Variants in PLAC1 observed in about 807,000 individuals in gnomAD.
PLAC1 encodes placenta-specific protein 1.
For missense variants in PLAC1, 136 were observed against 163.2 expected, an observed-to-expected ratio of 0.83 and a Z score of 0.91; for synonymous variants, 68 against 62.1, an observed-to-expected ratio of 1.09 and a Z score of -0.44.
intron 2 of PLAC1, among the ~76,000 whole-genome samples, chrX:134,712,604 C>A (rs1441741994): frequency 9.0e-6 from 1 of 111,414 alleles, no homozygotes; most frequent in Middle Eastern, 4.2e-3. Context: ...ATACTGGAAC[C>A]TGATAAACAA....
intron 2 of PLAC1, among the ~76,000 whole-genome samples, chrX:134,575,482 G>A (rs1291576252): frequency 9.1e-6 from 1 of 110,023 alleles, no homozygotes; most frequent in Non-Finnish European, 1.9e-5. Flanking sequence ...CAAGAACAGG[G>A]TGTTGAGCCG....
chrX:134,726,548 G>A (rs1455701690), intron 2 of PLAC1, among the ~76,000 whole-genome samples: 1 of 111,740 alleles, frequency 8.9e-6, no homozygotes, highest in Non-Finnish European at 1.9e-5. Context: ...TTCCTGGCCG[G>A]GCGCTGTGGC....
At chrX:134,737,792 A>G (rs989372787) in intron 1 of PLAC1, among the ~76,000 whole-genome samples, 2 of 112,846 alleles carry the variant, frequency 1.8e-5, no homozygotes, top group African/African-American at 3.2e-5. Context: ...CGCCGAAAGG[A>G]AAGTCCACTC....
intron 1 of PLAC1, among the ~76,000 whole-genome samples, chrX:134,758,754 A>G (rs190598348): frequency 8.9e-6 from 1 of 112,405 alleles, no homozygotes; most frequent in African/African-American, 3.2e-5. Flanking sequence ...AGACCTCAAA[A>G]GCACAGGCAA....
intron 1 of PLAC1, among the ~76,000 whole-genome samples, chrX:134,616,163 G>C (rs997147908): frequency 9.1e-6 from 1 of 110,433 alleles, no homozygotes; most frequent in Non-Finnish European, 1.9e-5. Context: ...AAATTATTTT[G>C]TAGAGACAGG....
chrX:134,706,690 CAA>C (rs2078605727), intron 2 of PLAC1, among the ~76,000 whole-genome samples: 3 of 110,689 alleles, frequency 2.7e-5, no homozygotes, highest in Middle Eastern at 4.6e-3. Flanking sequence ...GCACTTGAAA[CAA>C]AGGGCAAAAA....
chrX:134,716,090 G>A (rs1031973102), intron 2 of PLAC1, among the ~76,000 whole-genome samples: 6 of 112,424 alleles, frequency 5.3e-5, no homozygotes, highest in Admixed American at 4.7e-4. Flanking sequence ...TCACAGCACA[G>A]CTCCAGCCTA....
At chrX:134,571,157 A>C (rs2124348315) in intron 2 of PLAC1, among the ~76,000 whole-genome samples, 1 of 112,218 alleles carries the variant, frequency 8.9e-6, no homozygotes, top group Non-Finnish European at 1.9e-5. Context: ...GGAAAGAGGA[A>C]GAAGAGCTGC....
upstream of PLAC1, among the ~76,000 whole-genome samples, chrX:134,663,447 TGCGCGCACGCGC>T (rs2078424118): frequency 1.8e-5 from 2 of 112,755 alleles, no homozygotes; most frequent in South Asian, 3.6e-4. Context: ...TGTGTGTGTG[TGCGCGCACGCGC>T]GTGCACGTGT....
rs189739631 is a variant in PLAC1, at chrX:134,697,427, C to A, written n.174+36008G>T. On this transcript the variant is annotated intron_variant and non_coding_transcript_variant, in intron 2 of 2. Coordinates refer to the PLAC1 transcript ENST00000466797. The stretch of plus-strand genomic sequence containing the variant: ...CTTTTATCACAGGACCTAGAGATAA[C>A]CACTCTTAATATTTTGGTTAAAGTT... Among the ~76,000 whole-genome samples the A allele has an allele frequency of 8.0e-5, 9 of 112,146 alleles. No homozygotes were observed. The East Asian group carries it at 8.3e-4, about 10-fold the overall frequency.
In PLAC1 at chrX:134,566,411, A is replaced by G. The variant is rs1242885483; in HGVS notation, c.272T>C (p.Met91Thr). Residue 91 changes from methionine (M) to threonine (T), a missense_variant, in exon 3 of 3, where the codon ATG becomes ACG. Physicochemically the swap from Met to Thr is moderately conservative, Grantham distance 81. Transcript: ENST00000359237. Reference sequence around the variant, plus strand: ...GTGTATCTCAGTGCTGTAGATAACCATGTCCTGAGAGACAGCTTTGGCCCT... The same window carrying G: ...GTGTATCTCAGTGCTGTAGATAACCGTGTCCTGAGAGACAGCTTTGGCCCT... ...GIRAKAVSQDMVIYSTEIHYS... is the reference protein window; with the variant it reads ...GIRAKAVSQDTVIYSTEIHYS... 5.0e-6 allele frequency: 6 copies of G among 1,211,690 alleles called. No individual in the cohort carries two copies. The Admixed American group carries it at 1.3e-4, about 26-fold the overall frequency.
chrX:134,569,779 TG>T (rs1167196303), intron 2 of PLAC1, among the ~76,000 whole-genome samples: 6 of 103,045 alleles, frequency 5.8e-5, no homozygotes, highest in African/African-American at 2.3e-4. Context: ...TGTGTGTGTG[TG>T]TGTGTGTTTG....
chrX:134,639,805 G>A (rs1396623134), intron 1 of PLAC1, among the ~76,000 whole-genome samples: 1 of 111,719 alleles, frequency 9.0e-6, no homozygotes, highest in East Asian at 2.8e-4. Flanking sequence ...GATATTTCAT[G>A]TAAATAAAAT....
intron 2 of PLAC1, among the ~76,000 whole-genome samples, chrX:134,702,043 A>G (rs2078585318): frequency 9.0e-6 from 1 of 111,687 alleles, no homozygotes; most frequent in Non-Finnish European, 1.9e-5. Flanking sequence ...ACAATGAAAT[A>G]CCATCTCACA....
intron 2 of PLAC1, among the ~76,000 whole-genome samples, chrX:134,688,374 G>C (rs2078525509): frequency 8.9e-6 from 1 of 112,302 alleles, no homozygotes; most frequent in Admixed American, 9.4e-5. Context: ...ATGATGTCCT[G>C]ATATGAATCA....
chrX:134,698,693 A>ATGACTTGAG (rs761931215), intron 2 of PLAC1, among the ~76,000 whole-genome samples: 40 of 111,269 alleles, frequency 3.6e-4, no homozygotes, highest in African/African-American at 1.3e-3. Flanking sequence ...ATACAATTCT[A>ATGACTTGAG]TGACTTGAGT....
At chrX:134,736,834 C>T (rs983520340) in intron 1 of PLAC1, among the ~76,000 whole-genome samples, 2 of 112,074 alleles carry the variant, frequency 1.8e-5, no homozygotes, top group African/African-American at 6.5e-5. Flanking sequence ...AGGAGTATCC[C>T]GAAGGGCATT....
At chrX:134,666,283 C>A (rs935323425) in intron 2 of PLAC1, among the ~76,000 whole-genome samples, 12 of 111,443 alleles carry the variant, frequency 1.1e-4, no homozygotes, top group African/African-American at 3.9e-4. Flanking sequence ...CCTGGGCAGT[C>A]TGCTGCAACT....
intron 2 of PLAC1, among the ~76,000 whole-genome samples, chrX:134,574,869 C>T (rs1228950605): frequency 9.0e-6 from 1 of 111,413 alleles, no homozygotes; most frequent in African/African-American, 3.3e-5. Flanking sequence ...CTAGAGTCCC[C>T]AAGTTTACCC....
Sources: gnomAD v4.1 joint callset for allele counts (sites outside exome capture counted in the v4.1 genomes callset) on GRCh38, gnomAD v4.1.1 for gene constraint, MANE v1.5 for transcripts, NCBI Gene and HGNC (gene_info 2026-07-23, HGNC 2026-07-21) for gene names.